ZFAND6: variants seen among roughly 807,000 people sequenced by gnomAD.
The protein encoded by ZFAND6 is zinc finger AN1-type containing 6.
A neutral mutation model predicts 24.5 loss-of-function variants in ZFAND6; 12 were observed. The observed-to-expected ratio is 0.49, with a 90% CI of 0.31 to 0.79. The LOEUF is 0.79. ZFAND6 is among the 30% of genes least tolerant of loss of function. The pLI is 0.04. For missense variants in ZFAND6, 207 were observed against 245.9 expected (o/e 0.84, Z 1.06); for synonymous variants, 92 against 81.5 (o/e 1.13, Z -0.69).
intron 1 of ZFAND6, among the ~76,000 whole-genome samples, chr15:80,071,689 C>T (rs2036987105): frequency 6.6e-6 from 1 of 150,594 alleles, no homozygotes; most frequent in Non-Finnish European, 1.5e-5. Flanking sequence ...ATACCTTTTA[C>T]TTTAGGGTGC....
chr15:80,095,937 A>G (rs2038695667), intron 1 of ZFAND6, among the ~76,000 whole-genome samples: 1 of 152,220 alleles, frequency 6.6e-6, no homozygotes, highest in South Asian at 2.1e-4. Flanking sequence ...TCAGTATCAC[A>G]CTTAACATAT....
chr15:80,075,685 A>G (rs890588920), intron 1 of ZFAND6, among the ~76,000 whole-genome samples: 1 of 152,118 alleles, frequency 6.6e-6, no homozygotes, highest in Non-Finnish European at 1.5e-5. Flanking sequence ...GTAAGTTGAT[A>G]AAACTTGAAA....
At chr15:80,079,378 G>C (rs533339408) in intron 1 of ZFAND6, among the ~76,000 whole-genome samples, 2 of 151,562 alleles carry the variant, frequency 1.3e-5, no homozygotes, top group African/African-American at 2.4e-5. Flanking sequence ...CCGCCACCAC[G>C]CTTGGCTAAT....
intron 1 of ZFAND6, among the ~76,000 whole-genome samples, chr15:80,082,755 A>G (rs539215309): frequency 9.6e-4 from 146 of 152,282 alleles, no homozygotes; most frequent in African/African-American, 3.3e-3. Flanking sequence ...GGAGTTTATT[A>G]TGAGGATTGG....
Position 80,089,259 on chromosome 15 carries a change from G to GTTTTTT in ZFAND6, c.-180-9137_-180-9132dup, listed in dbSNP as rs71453501. On this transcript the variant is annotated intron_variant, in intron 1 of 6. Coordinates refer to ENST00000261749, the MANE Select transcript of ZFAND6 (RefSeq NM_019006.4). Reference sequence around the variant, plus strand: ...TCTGTCTTCGTGTGTGAGTGTGTGTGTTTTTTTTTTTTTTTTTTTTTTTTT... The same window carrying GTTTTTT: ...TCTGTCTTCGTGTGTGAGTGTGTGTGTTTTTTTTTTTTTTTTTTTTTTTTTTTTTTT... Among the ~76,000 whole-genome samples the GTTTTTT allele has an allele frequency of 2.0e-3, 124 of 61,106 alleles. 13 individuals are homozygous for GTTTTTT. The highest frequency in any genetic ancestry group is 3.3e-3 in the South Asian group (4 of 1,212). The allele number at this position is 61,106 out of a possible 152,430, so 40.1% of individuals were successfully genotyped here. A position where few individuals can be genotyped will look rare whatever the true frequency, so the allele number is the denominator to read the frequency against.
intron 1 of ZFAND6, among the ~76,000 whole-genome samples, chr15:80,061,909 GT>G (rs1460700732): frequency 6.6e-6 from 1 of 152,118 alleles, no homozygotes; most frequent in African/African-American, 2.4e-5. Flanking sequence ...TCTCTATTAT[GT>G]TTAAATAGAA....
At chr15:80,063,005 T>C (rs904971207) in intron 1 of ZFAND6, among the ~76,000 whole-genome samples, 1 of 152,230 alleles carries the variant, frequency 6.6e-6, no homozygotes, top group Admixed American at 6.5e-5. Flanking sequence ...ACTTTTCTAC[T>C]CTTCTGCTTC....
intron 3 of ZFAND6, 178 bp downstream of exon 3, chr15:80,120,676 C>T: frequency 2.4e-6 from 1 of 412,102 alleles, no homozygotes; most frequent in Non-Finnish European, 4.0e-6. Context: ...GAATGAGTAT[C>T]ATCACTCATT....
intron 2 of ZFAND6, among the ~76,000 whole-genome samples, chr15:80,101,053 A>G (rs2039000259): frequency 1.3e-5 from 2 of 152,268 alleles, no homozygotes; most frequent in Non-Finnish European, 2.9e-5. Flanking sequence ...GTAGCATATT[A>G]TAAATGCTCA....
At chr15:80,119,506 G>T (rs2040050034) in intron 2 of ZFAND6, among the ~76,000 whole-genome samples, 1 of 151,524 alleles carries the variant, frequency 6.6e-6, no homozygotes, top group South Asian at 2.1e-4. Context: ...TTTATTATCG[G>T]TATTTCCCTC....
chr15:80,121,738 T>G lies in ZFAND6; in HGVS notation c.181T>G (p.Ser61Ala). The G allele has an allele frequency of 3.1e-6, 5 of 1,613,900 alleles. No homozygotes were observed. Among genetic ancestry groups the G allele is most frequent in the Non-Finnish European group, 1.7e-6 (2 of 1,179,862 alleles). Reference protein sequence around the residue: ...PATSVSSLSESLPVQCTDGSV... With the variant: ...PATSVSSLSEALPVQCTDGSV... ...AACCTCTGTCAGTAGTCTGTCTGAA[T>G]CTTTACCAGTTCAATGCACAGATGG... Residue 61 changes from serine (S) to alanine (A), a missense_variant, in exon 4 of 7, where the codon TCT (serine) becomes GCT (alanine). By Grantham distance (99) the Ser-to-Ala change is moderately conservative (BLOSUM62 1). This residue lies in a region of ZFAND6 where 133 missense variants were observed against 122.8 expected (regional missense o/e 1.08). Transcript: ENST00000261749.
At chr15:80,068,816 T>C (rs2036810477) in intron 1 of ZFAND6, among the ~76,000 whole-genome samples, 7 of 152,368 alleles carry the variant, frequency 4.6e-5, no homozygotes, top group Admixed American at 4.6e-4. Flanking sequence ...GCTCTCATTA[T>C]GTTTCTGTGA....
At chr15:80,093,235 G>A (rs1325169078) in intron 1 of ZFAND6, among the ~76,000 whole-genome samples, 1 of 151,754 alleles carries the variant, frequency 6.6e-6, no homozygotes, top group Non-Finnish European at 1.5e-5. Context: ...AAAGTACTGG[G>A]ATTACTAGCG....
intron 1 of ZFAND6, among the ~76,000 whole-genome samples, chr15:80,085,819 C>G (rs1200718018): frequency 6.6e-6 from 1 of 151,908 alleles, no homozygotes; most frequent in Non-Finnish European, 1.5e-5. Flanking sequence ...ACATGTTGGT[C>G]AGTGATGGAC....
chr15:80,100,818 A>G (rs1030317488), intron 2 of ZFAND6, among the ~76,000 whole-genome samples: 5 of 152,196 alleles, frequency 3.3e-5, no homozygotes, highest in South Asian at 2.1e-4. Context: ...TACACAGGCT[A>G]TAGAGTCTGG....
chr15:80,090,964 G>A (rs534503852), intron 1 of ZFAND6, among the ~76,000 whole-genome samples: 2 of 152,150 alleles, frequency 1.3e-5, no homozygotes, highest in African/African-American at 4.8e-5. Context: ...CCTCTTTGCC[G>A]CAACCCACTA....
chr15:80,098,948 A>C (rs906572422), intron 2 of ZFAND6, among the ~76,000 whole-genome samples: 1 of 152,032 alleles, frequency 6.6e-6, no homozygotes, highest in African/African-American at 2.4e-5. Flanking sequence ...AACAACCATA[A>C]AAAAATTACT....
chr15:80,068,716 T>A (rs2036804119), intron 1 of ZFAND6, among the ~76,000 whole-genome samples: 1 of 152,196 alleles, frequency 6.6e-6, no homozygotes, highest in African/African-American at 2.4e-5. Context: ...CCTTGGCCTC[T>A]GAAAGTCTTG....
At chr15:80,066,574 A>G (rs370188882) in intron 1 of ZFAND6, among the ~76,000 whole-genome samples, 131 of 152,186 alleles carry the variant, frequency 8.6e-4, no homozygotes, top group African/African-American at 3.1e-3. Flanking sequence ...CAGCCTCCCA[A>G]AGTGCTGGGA....
Sources: allele counts gnomAD v4.1 joint callset (sites outside exome capture counted in the v4.1 genomes callset), GRCh38; gene constraint gnomAD v4.1.1; regional missense constraint gnomAD v4.1.1; transcripts MANE v1.5; gene names NCBI Gene and HGNC (gene_info 2026-07-23, HGNC 2026-07-21).